FOXO1: variants seen among roughly 807,000 people sequenced by gnomAD.
FOXO1 encodes forkhead box O1.
In FOXO1, 6 loss-of-function variants were observed where a neutral mutation model predicts 44.1. The observed-to-expected ratio is 0.14, with a 90% CI of 0.07 to 0.27. FOXO1 has a LOEUF of 0.27. Among genes scored for constraint, FOXO1 ranks in the 10% least tolerant of loss-of-function variants. The probability of loss-of-function intolerance (pLI) is 1.00; values close to 1 mark genes in which losing one functional copy is unlikely to be tolerated. For missense variants in FOXO1, 737 were observed against 888.8 expected, an observed-to-expected ratio of 0.83 and a Z score of 2.17; for synonymous variants, 380 against 362.7, an observed-to-expected ratio of 1.05 and a Z score of -0.54.
chr13:40,618,917 G>C (rs1482225542), intron 1 of FOXO1: 4 of 526,402 alleles, frequency 7.6e-6, no homozygotes, highest in Non-Finnish European at 1.5e-5. Context: ...CTCCCCTAGA[G>C]AAATAACATC....
At chr13:40,620,560 T>C (rs1460242796) in intron 1 of FOXO1, 2 of 438,888 alleles carry the variant, frequency 4.6e-6, no homozygotes, top group Non-Finnish European at 8.7e-6. Context: ...AAGTCAGAGC[T>C]TCAGAGAAAT....
intron 1 of FOXO1, among the ~76,000 whole-genome samples, chr13:40,569,162 T>C (rs1300814600): frequency 2.0e-5 from 3 of 152,168 alleles, no homozygotes; most frequent in South Asian, 4.1e-4. Flanking sequence ...GAGATTATGC[T>C]TGCATGTCAA....
At chr13:40,585,835 G>A (rs1875143322) in intron 1 of FOXO1, among the ~76,000 whole-genome samples, 1 of 152,168 alleles carries the variant, frequency 6.6e-6, no homozygotes, top group African/African-American at 2.4e-5. Flanking sequence ...GTGCCAGCAA[G>A]ACTTAAAAAA....
chr13:40,655,773 G>C (rs577060854), intron 1 of FOXO1, among the ~76,000 whole-genome samples: 15 of 151,048 alleles, frequency 9.9e-5, no homozygotes, highest in South Asian at 4.2e-4. Flanking sequence ...CTCCCAAGTA[G>C]CAGGGACCAC....
chr13:40,608,028 C>T (rs982156036), intron 1 of FOXO1, among the ~76,000 whole-genome samples: 5 of 127,996 alleles, frequency 3.9e-5, no homozygotes, highest in African/African-American at 1.2e-4. Flanking sequence ...GTGTTACATT[C>T]GGTCCAACAT....
intron 1 of FOXO1, among the ~76,000 whole-genome samples, chr13:40,603,815 ATAAC>A (rs928604927): frequency 2.0e-5 from 3 of 152,250 alleles, no homozygotes; most frequent in African/African-American, 7.2e-5. Flanking sequence ...TTCATATTTA[ATAAC>A]TAACTTTTTC....
chr13:40,634,309 C>A (rs891772360), intron 1 of FOXO1, among the ~76,000 whole-genome samples: 1 of 152,180 alleles, frequency 6.6e-6, no homozygotes, highest in African/African-American at 2.4e-5. Context: ...CATATCCACA[C>A]AACTGCATAC....
rs748767276 is a variant in FOXO1 at position 40,646,648 on chromosome 13, C to T, written c.630+18935G>A. ...CTGGCTCTGTCTCCAGGGTGGAGTG[C>T]AGTGGCGCAATCTCAGCTCACTACA... On this transcript the variant is annotated intron_variant, in intron 1 of 2. Transcript: ENST00000379561. Among the ~76,000 whole-genome samples, 20 of 152,298 alleles carry T rather than the reference C, an allele frequency of 1.3e-4. No individual in the cohort carries two copies. In the South Asian group the frequency reaches 2.7e-3, roughly 21 times the overall value.
At position 40,587,283 on chromosome 13, in the gene FOXO1, A is replaced by G. The variant is rs527357414; in HGVS notation, c.631-26423T>C. ...GAACAAAGTAAAAAAAAAAAAAAAA[A>G]AAGTGGGAGTGGGCAGGGCGGAGCA... is the stretch of plus-strand genomic sequence containing the variant. On this transcript the variant is annotated intron_variant, in intron 1 of 2. Transcript: ENST00000379561. Among the ~76,000 whole-genome samples the G allele has an allele frequency of 5.5e-4, 84 of 151,972 alleles. 1 individual carries two copies. In the East Asian group the frequency reaches 0.015, roughly 27 times the overall value.
At chr13:40,593,344 A>C (rs1875458298) in intron 1 of FOXO1, among the ~76,000 whole-genome samples, 1 of 152,160 alleles carries the variant, frequency 6.6e-6, no homozygotes, top group Non-Finnish European at 1.5e-5. Context: ...AATATTTTGG[A>C]ATTAGACTAT....
chr13:40,666,404 G>T lies in FOXO1; in HGVS notation c.-192C>A. 2.3e-6 allele frequency: 1 copy of T among 444,146 alleles called. No homozygotes were observed. The highest frequency in any genetic ancestry group is 3.9e-6 in the Non-Finnish European group (1 of 254,760). The allele number at this position is 444,146 out of a possible 1,614,324, so 27.5% of individuals were successfully genotyped here. ...CGAGCCCAGAACTTAACTTCGCGGG[G>T]CCATCCACATCGAGGCTCCTCGGGG... is the stretch of plus-strand genomic sequence containing the variant. On this transcript the variant is annotated 5_prime_UTR_variant, in exon 1 of 3. Coordinates refer to ENST00000379561, the MANE Select transcript of FOXO1 (RefSeq NM_002015.4).
Position 40,666,473 on chromosome 13 carries a change from G to T in FOXO1, c.-261C>A. The T allele has an allele frequency of 2.8e-6, 1 of 360,728 alleles. No homozygotes were observed. 22.3% of individuals were successfully genotyped at this position (360,728 alleles called of 1,614,324 possible). A position where few individuals can be genotyped will look rare whatever the true frequency, so the allele number is the denominator to read the frequency against. On this transcript the variant is annotated 5_prime_UTR_variant, in exon 1 of 3. Coordinates refer to ENST00000379561, the MANE Select transcript of FOXO1 (RefSeq NM_002015.4). Reference sequence around the variant, plus strand: ...CGGCCGGCCAGAGCCGCCGGGCCGGGGCAGAGCCTGCGCCGCGCTCCAGCT... The same window carrying T: ...CGGCCGGCCAGAGCCGCCGGGCCGGTGCAGAGCCTGCGCCGCGCTCCAGCT...
intron 1 of FOXO1, among the ~76,000 whole-genome samples, chr13:40,660,099 A>C (rs1453800454): frequency 6.6e-6 from 1 of 152,206 alleles, no homozygotes; most frequent in Non-Finnish European, 1.5e-5. Context: ...CAGCTGAGGA[A>C]CACCACCAGA....
At chr13:40,619,490 G>C (rs1318402126) in intron 1 of FOXO1, 21 of 1,307,994 alleles carry the variant, frequency 1.6e-5, no homozygotes, top group Non-Finnish European at 1.5e-5. Context: ...GGAGAGTTTC[G>C]GTTTAGTTTG....
intron 1 of FOXO1, among the ~76,000 whole-genome samples, chr13:40,665,315 G>A (rs1344948055): frequency 6.6e-6 from 1 of 152,128 alleles, no homozygotes; most frequent in South Asian, 2.1e-4. Context: ...TCGCTCTGAC[G>A]TCCACTTCTT....
intron 1 of FOXO1, among the ~76,000 whole-genome samples, chr13:40,591,147 G>A (rs1875354882): frequency 1.3e-5 from 2 of 152,030 alleles, no homozygotes; most frequent in Admixed American, 6.6e-5. Flanking sequence ...CTGCAAATCA[G>A]CTCAGAAATA....
intron 1 of FOXO1, among the ~76,000 whole-genome samples, chr13:40,640,779 GTTGTTGTTGTTGTTGTTGTT>G (rs1424496659): frequency 4.1e-5 from 5 of 120,550 alleles, no homozygotes; most frequent in African/African-American, 1.1e-4. Context: ...TGTTGTTGTT[GTTGTTGTTGTTGTTGTTGTT>G]TGAGACAGAG....
intron 1 of FOXO1, among the ~76,000 whole-genome samples, chr13:40,658,558 A>C (rs1877932223): frequency 1.3e-5 from 2 of 152,302 alleles, no homozygotes; most frequent in Admixed American, 6.5e-5. Context: ...TTACCTAAGA[A>C]AATACCAGAG....
chr13:40,615,585 G>A (rs1396566896), intron 1 of FOXO1, among the ~76,000 whole-genome samples: 1 of 151,288 alleles, frequency 6.6e-6, no homozygotes, highest in Admixed American at 6.6e-5. Context: ...ACAGCAGAAG[G>A]GATGGTGCAT....
Sources: allele counts gnomAD v4.1 joint callset (sites outside exome capture counted in the v4.1 genomes callset), GRCh38; gene constraint gnomAD v4.1.1; transcripts MANE v1.5; gene names NCBI Gene and HGNC (gene_info 2026-07-23, HGNC 2026-07-21).